The following NUDCD1 variants were observed in gnomAD, a reference collection of about 807,000 sequenced individuals.
NUDCD1 encodes NudC domain containing 1.
In NUDCD1, 60 loss-of-function variants were observed where a neutral mutation model predicts 67.8. The observed-to-expected ratio is 0.88, with a 90% CI of 0.72 to 1.10. The LOEUF is 1.10. Among genes scored for constraint, NUDCD1 ranks in the 50% least tolerant of loss-of-function variants. The pLI is 0.00. For synonymous variants in NUDCD1, 244 were observed against 230.8 expected, an observed-to-expected ratio of 1.06 and a Z score of -0.52; for missense variants, 643 against 695.0, an observed-to-expected ratio of 0.93 and a Z score of 0.84.
chr8:109,255,010 T>C (rs1275815665), intron 8 of NUDCD1, among the ~76,000 whole-genome samples: 1 of 152,136 alleles, frequency 6.6e-6, no homozygotes, highest in Non-Finnish European at 1.5e-5. Flanking sequence ...TATGATCCCA[T>C]TTAAAAGAGG....
Position 109,322,464 on chromosome 8 carries a change from C to G in NUDCD1, c.119-1G>C. ...TCTCGAAGTTTTACCTCTGCCACAG[C>G]TGAAATACAAGAAAAGCAAACATAA... On this transcript the variant is annotated splice_acceptor_variant, in intron 1 of 9. Coordinates refer to ENST00000239690, the MANE Select transcript of NUDCD1 (RefSeq NM_032869.4). LOFTEE classifies it high-confidence loss of function. 6.3e-7 allele frequency: 1 copy of G among 1,577,848 alleles called. No homozygotes were observed. Among genetic ancestry groups the G allele is most frequent in the South Asian group, 1.1e-5 (1 of 86,984 alleles).
At chr8:109,277,880 T>C (rs1209758329) in intron 6 of NUDCD1, among the ~76,000 whole-genome samples, 1 of 152,186 alleles carries the variant, frequency 6.6e-6, no homozygotes, top group Non-Finnish European at 1.5e-5. Flanking sequence ...ACAAAATACT[T>C]TTAAAAGAAA....
Position 109,242,206 on chromosome 8 carries a change from T to C in NUDCD1, c.*803A>G, listed in dbSNP as rs1412633484. ...ATGGAACATTAGTAAATATGATAGATGTACAGGATCGATAAGCTCTTGCAT... is the reference window on the plus strand; with the variant it reads ...ATGGAACATTAGTAAATATGATAGACGTACAGGATCGATAAGCTCTTGCAT... On this transcript the variant is annotated 3_prime_UTR_variant, in exon 10 of 10. Coordinates refer to ENST00000239690, the MANE Select transcript of NUDCD1 (RefSeq NM_032869.4). The C allele has an allele frequency of 2.5e-6, 1 of 397,518 alleles. No individual in the cohort carries two copies. Among genetic ancestry groups the C allele is most frequent in the Non-Finnish European group, 4.4e-6 (1 of 225,318 alleles). 24.6% of individuals were successfully genotyped at this position (397,518 alleles called of 1,614,324 possible).
At chr8:109,287,432 T>C (rs1814601555) in intron 5 of NUDCD1, among the ~76,000 whole-genome samples, 1 of 152,166 alleles carries the variant, frequency 6.6e-6, no homozygotes, top group Non-Finnish European at 1.5e-5. Context: ...GTGGCACATA[T>C]ACACACCATG....
chr8:109,296,365 G>A lies in NUDCD1; in HGVS notation c.459+19C>T. Reference sequence around the variant, plus strand: ...CATATACTTTCTGGACTTCGCATAAGTCTTAAACAAACCCTCACCTCCCAT... The same window carrying A: ...CATATACTTTCTGGACTTCGCATAAATCTTAAACAAACCCTCACCTCCCAT... On this transcript the variant is annotated intron_variant, in intron 3 of 9. Transcript: ENST00000239690. 6.2e-7 allele frequency: 1 copy of A among 1,603,192 alleles called. No individual in the cohort carries two copies. Among genetic ancestry groups the A allele is most frequent in the Non-Finnish European group, 8.5e-7 (1 of 1,170,606 alleles).
At chr8:109,255,609 G>A (rs1659915854) in intron 8 of NUDCD1, among the ~76,000 whole-genome samples, 1 of 147,998 alleles carries the variant, frequency 6.8e-6, no homozygotes, top group Non-Finnish European at 1.5e-5. Context: ...TCCAGTGGAG[G>A]ATACATATAA....
chr8:109,318,343 T>C (rs367842208), intron 2 of NUDCD1, among the ~76,000 whole-genome samples: 1 of 152,246 alleles, frequency 6.6e-6, no homozygotes, highest in Admixed American at 6.5e-5. Context: ...GCAAACTTTA[T>C]GGTACAGCAA....
intron 2 of NUDCD1, chr8:109,315,453 C>G (rs1160461063): frequency 3.3e-5 from 5 of 152,154 alleles, no homozygotes; most frequent in African/African-American, 1.2e-4. Context: ...AAACACCCCA[C>G]CTACAGCCCA....
intron 8 of NUDCD1, among the ~76,000 whole-genome samples, chr8:109,263,281 G>T (rs1473149650): frequency 6.6e-6 from 1 of 151,954 alleles, no homozygotes; most frequent in Non-Finnish European, 1.5e-5. Context: ...CCAGTACTAT[G>T]GGCAAAATGT....
In NUDCD1 at chr8:109,293,505, A is replaced by C; in HGVS notation, c.479T>G (p.Leu160Arg). The C allele has an allele frequency of 6.5e-7, 1 of 1,549,498 alleles. No homozygotes were observed. The highest frequency in any genetic ancestry group is 1.7e-4 in the Middle Eastern group (1 of 5,796). ...EKWEIMFNEE[L>R]GDPFIIIHSI... ...GTGAATTATAATAAAAGGATCCCCAAGTTCTTCATTAAACATAATCTACAA... is the reference window on the plus strand; with the variant it reads ...GTGAATTATAATAAAAGGATCCCCACGTTCTTCATTAAACATAATCTACAA... The change falls in exon 4 of 10, where the codon CTT becomes CGT. Residue 160 changes from leucine (L) to arginine (R), a missense_variant. Transcript: ENST00000239690.
intron 2 of NUDCD1, among the ~76,000 whole-genome samples, chr8:109,311,557 G>GTATATATATATATATA (rs569380890): frequency 0.088 from 5,490 of 62,496 alleles, 277 homozygotes; most frequent in Admixed American, 0.11. Context: ...AGAAACTGTG[G>GTATATATATATATATA]TGTATATATA....
intron 2 of NUDCD1, among the ~76,000 whole-genome samples, chr8:109,301,645 G>A (rs1814992481): frequency 6.6e-6 from 1 of 152,220 alleles, no homozygotes; most frequent in Admixed American, 6.5e-5. Flanking sequence ...AATGGGGTAA[G>A]CGGCCTTTCT....
intron 2 of NUDCD1, among the ~76,000 whole-genome samples, chr8:109,310,282 A>C (rs919726550): frequency 6.6e-6 from 1 of 152,216 alleles, no homozygotes; most frequent in South Asian, 2.1e-4. Context: ...ACACAGACCA[A>C]TGGAAAAAAA....
chr8:109,303,177 C>G (rs187111808), intron 2 of NUDCD1, among the ~76,000 whole-genome samples: 1 of 152,198 alleles, frequency 6.6e-6, no homozygotes, highest in Non-Finnish European at 1.5e-5. Flanking sequence ...CACTGGAAAT[C>G]GGACTGTCCT....
chr8:109,317,925 T>G (rs1048724956), intron 2 of NUDCD1, among the ~76,000 whole-genome samples: 12 of 152,200 alleles, frequency 7.9e-5, no homozygotes, highest in African/African-American at 2.9e-4. Context: ...CATATTACCA[T>G]GTAATAGTTA....
intron 5 of NUDCD1, among the ~76,000 whole-genome samples, chr8:109,289,506 A>C (rs113126514): frequency 0.024 from 3,694 of 152,280 alleles, 138 homozygotes; most frequent in African/African-American, 0.084. Flanking sequence ...CTAATCAAGG[A>C]AGCTAATAAA....
intron 2 of NUDCD1, among the ~76,000 whole-genome samples, chr8:109,303,733 C>T (rs747458017): frequency 6.6e-6 from 1 of 152,102 alleles, no homozygotes; most frequent in African/African-American, 2.4e-5. Context: ...TCCTTGGCAA[C>T]CGATCACGCA....
chr8:109,321,527 GA>G (rs1815536972), intron 2 of NUDCD1, among the ~76,000 whole-genome samples: 2 of 151,958 alleles, frequency 1.3e-5, no homozygotes, highest in South Asian at 4.1e-4. Context: ...TTTTTAAAAA[GA>G]AAAACTGTGA....
In NUDCD1 at chr8:109,241,885, T is replaced by C. The variant is rs1813374502; in HGVS notation, c.*1124A>G. On this transcript the variant is annotated 3_prime_UTR_variant, in exon 10 of 10. Transcript: ENST00000239690. The stretch of plus-strand genomic sequence containing the variant: ...CAACTTGAGGTTTATATAAGATACA[T>C]ATCTTGAAATGGTATAAAAAGTAAT... The C allele has an allele frequency of 5.1e-6, 2 of 390,452 alleles. No homozygotes were observed. Among genetic ancestry groups the C allele is most frequent in the African/African-American group, 2.1e-5 (1 of 48,538 alleles). 24.2% of individuals were successfully genotyped at this position (390,452 alleles called of 1,614,324 possible).
Sources: gnomAD v4.1 joint callset for allele counts (sites outside exome capture counted in the v4.1 genomes callset) on GRCh38, gnomAD v4.1.1 for gene constraint, MANE v1.5 for transcripts, NCBI Gene and HGNC (gene_info 2026-07-23, HGNC 2026-07-21) for gene names.